The following KCNC2 variants were observed in gnomAD, a reference collection of about 807,000 sequenced individuals.
The protein encoded by KCNC2 is potassium voltage-gated channel subfamily C member 2, also known as voltage-gated potassium channel KCNC2.
A neutral mutation model predicts 44.5 loss-of-function variants in KCNC2; 21 were observed. The observed-to-expected ratio is 0.47, with a 90% CI of 0.33 to 0.68. KCNC2 has a LOEUF of 0.68. KCNC2 is among the 30% of genes least tolerant of loss of function. The pLI is 0.01. For missense variants in KCNC2, 589 were observed against 826.2 expected (o/e 0.71, Z 3.52); for synonymous variants, 391 against 339.1 (o/e 1.15, Z -1.68).
rs1437861207 is a variant in KCNC2, at chr12:75,041,663, T to C, written c.*1442A>G. ...GAATATGACTCCCTAAGGATTTTGT[T>C]GGAGTGTAGTAATGAATGCTGGTTG... is the stretch of plus-strand genomic sequence containing the variant. On this transcript the variant is annotated 3_prime_UTR_variant, in exon 5 of 5. Coordinates refer to ENST00000549446, the MANE Select transcript of KCNC2 (RefSeq NM_139137.4). The C allele has an allele frequency of 2.0e-6, 2 of 1,008,438 alleles. No homozygotes were observed. The highest frequency in any genetic ancestry group is 2.4e-6 in the Non-Finnish European group (2 of 842,854). The allele number at this position is 1,008,438 out of a possible 1,614,324, so 62.5% of individuals were successfully genotyped here. A position where few individuals can be genotyped will look rare whatever the true frequency, so the allele number is the denominator to read the frequency against.
intron 2 of KCNC2, among the ~76,000 whole-genome samples, chr12:75,080,794 T>A (rs1884428566): frequency 6.6e-6 from 1 of 151,988 alleles, no homozygotes; most frequent in African/African-American, 2.4e-5. Context: ...CACCACACAT[T>A]CACATGTGCA....
At chr12:75,108,094 A>C (rs752768529) in intron 2 of KCNC2, among the ~76,000 whole-genome samples, 1 of 152,238 alleles carries the variant, frequency 6.6e-6, no homozygotes, top group South Asian at 2.1e-4. Flanking sequence ...GAATACATTA[A>C]TAAATAAACA....
intron 2 of KCNC2, among the ~76,000 whole-genome samples, chr12:75,104,740 G>A (rs904526000): frequency 2.6e-5 from 4 of 151,948 alleles, no homozygotes; most frequent in African/African-American, 4.8e-5. Flanking sequence ...TAGTAGATAC[G>A]CATATGGAAA....
At chr12:75,096,919 G>T (rs1885976668) in intron 2 of KCNC2, among the ~76,000 whole-genome samples, 1 of 151,926 alleles carries the variant, frequency 6.6e-6, no homozygotes, top group African/African-American at 2.4e-5. Flanking sequence ...TTTTAAAAAG[G>T]AATGAGATAT....
At chr12:75,184,106 T>G (rs921022273) in intron 2 of KCNC2, among the ~76,000 whole-genome samples, 13 of 152,324 alleles carry the variant, frequency 8.5e-5, no homozygotes, top group Non-Finnish European at 1.6e-4. Context: ...GATTAGATTC[T>G]CTTTCCATGT....
At chr12:75,066,314 T>C (rs1882829537) in intron 2 of KCNC2, among the ~76,000 whole-genome samples, 1 of 152,206 alleles carries the variant, frequency 6.6e-6, no homozygotes, top group Non-Finnish European at 1.5e-5. Context: ...TACAAAGTGC[T>C]CCTTGCAGCA....
chr12:75,136,915 C>A (rs2137376819), intron 2 of KCNC2, among the ~76,000 whole-genome samples: 1 of 152,232 alleles, frequency 6.6e-6, no homozygotes, highest in East Asian at 1.9e-4. Flanking sequence ...CTTTGCTTTA[C>A]TCTGCATGTT....
intron 2 of KCNC2, among the ~76,000 whole-genome samples, chr12:75,192,710 G>A (rs1450775981): frequency 1.3e-5 from 2 of 152,116 alleles, no homozygotes; most frequent in African/African-American, 2.4e-5. Context: ...GGAAAAGAAG[G>A]TGAGCTCAAA....
At chr12:75,094,094 A>G (rs1885720070) in intron 2 of KCNC2, among the ~76,000 whole-genome samples, 1 of 151,714 alleles carries the variant, frequency 6.6e-6, no homozygotes, top group Admixed American at 6.6e-5. Flanking sequence ...AGAGTATTAG[A>G]CCTGCACATT....
intron 2 of KCNC2, among the ~76,000 whole-genome samples, chr12:75,195,438 T>C (rs1481031690): frequency 2.0e-5 from 3 of 152,146 alleles, no homozygotes; most frequent in Non-Finnish European, 2.9e-5. Context: ...ATGAGCCAGA[T>C]ACCCAAATAG....
chr12:75,042,956 C>T lies in KCNC2; in HGVS notation c.*149G>A. 4.3e-6 allele frequency: 6 copies of T among 1,410,426 alleles called. No homozygotes were observed. The highest frequency in any genetic ancestry group is 5.5e-6 in the Non-Finnish European group (6 of 1,082,558). The allele number at this position is 1,410,426 out of a possible 1,614,324, so 87.4% of individuals were successfully genotyped here. On this transcript the variant is annotated 3_prime_UTR_variant, in exon 5 of 5. Coordinates refer to ENST00000549446, the MANE Select transcript of KCNC2 (RefSeq NM_139137.4). ...TAAGATTCATTAGCTACCCAAGTGG[C>T]ATTTCTGACTTCAAATTGTAGTATC...
Position 75,158,830 on chromosome 12 carries a change from A to G in KCNC2, c.687+48467T>C, listed in dbSNP as rs578113953. Among the ~76,000 whole-genome samples, 12 of 151,956 alleles carry G rather than the reference A, an allele frequency of 7.9e-5. No homozygotes were observed. The South Asian group carries it at 2.3e-3, about 29-fold the overall frequency. On this transcript the variant is annotated intron_variant, in intron 2 of 4. Coordinates refer to ENST00000549446, the MANE Select transcript of KCNC2 (RefSeq NM_139137.4). ...ACAGATTTTATTTTAGTCCCTTGAG[A>G]CTTTGAATATAATCAAGTTATAGAG...
Position 75,203,219 on chromosome 12 carries a change from G to A in KCNC2, c.687+4078C>T, listed in dbSNP as rs116099992. Among the ~76,000 whole-genome samples the A allele has an allele frequency of 3.8e-3, 570 of 151,732 alleles. 1 individual carries two copies. The highest frequency in any genetic ancestry group is 0.013 in the African/African-American group (532 of 41,504). ...AGTGCTACATTTAATACTAGCAAAT[G>A]TTTATTTAGATCATGTCTTTCTTGT... is the stretch of plus-strand genomic sequence containing the variant. On this transcript the variant is annotated intron_variant, in intron 2 of 4. Coordinates refer to ENST00000549446, the MANE Select transcript of KCNC2 (RefSeq NM_139137.4).
At position 75,207,582 on chromosome 12, in the gene KCNC2, G is replaced by T; in HGVS notation, c.402C>A (p.Phe134Leu). Residue 134 changes from phenylalanine (F) to leucine (L), a missense_variant, in exon 2 of 5, where the codon TTC (phenylalanine) becomes TTA (leucine). Physicochemically the swap from Phe to Leu is conservative, Grantham distance 22 (BLOSUM62 0). Transcript: ENST00000549446. The surrounding 1 kb of genome is among the most constrained non-coding windows in gnomAD (Gnocchi z 4.1). ...TGCCCCAGAAGGCCAGCTCCTCCTC[G>T]AAGAGCGGCCCGCACACGTCTGCGG... Reference protein sequence around the residue: ...HCPADVCGPLFEEELAFWGID... With the variant: ...HCPADVCGPLLEEELAFWGID... 2 of 1,612,118 alleles carry T rather than the reference G, an allele frequency of 1.2e-6. No homozygotes were observed. Among genetic ancestry groups the T allele is most frequent in the Non-Finnish European group, 1.7e-6 (2 of 1,179,870 alleles).
chr12:75,050,364 A>G, intron 3 of KCNC2, 26 bp downstream of exon 3: 1 of 1,484,794 alleles, frequency 6.7e-7, no homozygotes, highest in Middle Eastern at 1.8e-4. Context: ...AGTATTTAAT[A>G]ACATGCATTT....
At chr12:75,069,692 G>A (rs1458958911) in intron 2 of KCNC2, among the ~76,000 whole-genome samples, 2 of 152,094 alleles carry the variant, frequency 1.3e-5, no homozygotes, top group African/African-American at 4.8e-5. Flanking sequence ...TCAAGAAAAG[G>A]AAAGCATGCC....
chr12:75,081,551 T>C (rs2137081427), intron 2 of KCNC2, among the ~76,000 whole-genome samples: 1 of 152,098 alleles, frequency 6.6e-6, no homozygotes. Context: ...CTTAGCATAA[T>C]AATTTGGTTG....
At chr12:75,172,991 C>T (rs1265632962) in intron 2 of KCNC2, among the ~76,000 whole-genome samples, 2 of 151,754 alleles carry the variant, frequency 1.3e-5, no homozygotes, top group Non-Finnish European at 2.9e-5. Context: ...TTCAGAGATC[C>T]CAGATCAAAC....
chr12:75,191,868 A>G (rs2030314749), intron 2 of KCNC2, among the ~76,000 whole-genome samples: 1 of 152,164 alleles, frequency 6.6e-6, no homozygotes, highest in Non-Finnish European at 1.5e-5. Context: ...CTATTTTATA[A>G]ATTTATTTCA....
Sources: gnomAD v4.1 joint callset for allele counts (sites outside exome capture counted in the v4.1 genomes callset) on GRCh38, gnomAD v4.1.1 for gene constraint, Gnocchi (gnomAD v3.1) non-coding constraint, MANE v1.5 for transcripts, NCBI Gene and HGNC (gene_info 2026-07-23, HGNC 2026-07-21) for gene names.